KLHL3: variants seen among roughly 807,000 people sequenced by gnomAD.
KLHL3 encodes kelch like family member 3.
Under a neutral mutation model 70.5 loss-of-function variants are expected in KLHL3, and 19 were observed. That is an observed-to-expected ratio of 0.27 (90% CI 0.19 to 0.40). KLHL3 has a LOEUF of 0.40. Among genes scored for constraint, KLHL3 ranks in the 10% least tolerant of loss-of-function variants. The pLI is 1.00. For missense variants in KLHL3, 512 were observed against 771.1 expected (o/e 0.66, Z 3.98); for synonymous variants, 258 against 290.3 (o/e 0.89, Z 1.13).
intron 6 of KLHL3, among the ~76,000 whole-genome samples, chr5:137,673,173 C>T (rs916862): frequency 0.61 from 92,234 of 151,962 alleles, 28,500 homozygotes; most frequent in East Asian, 0.94. Context: ...GGGATTGAGG[C>T]CCTTTGTTTT....
intron 1 of KLHL3, among the ~76,000 whole-genome samples, chr5:137,722,054 G>A (rs544134529): frequency 6.6e-6 from 1 of 152,248 alleles, no homozygotes; most frequent in Admixed American, 6.5e-5. Context: ...ATAGATTTGA[G>A]GACCCATAGT....
In KLHL3 at chr5:137,638,942, C is replaced by A; in HGVS notation, c.1219+11G>T. The A allele has an allele frequency of 6.2e-7, 1 of 1,613,202 alleles. No homozygotes were observed. Among genetic ancestry groups the A allele is most frequent in the South Asian group, 1.1e-5 (1 of 90,926 alleles). ...AGGCTAGGAGGGGTTGGGAACACACCCTAAACCTACCAGTACTGCCATCAA... is the reference window on the plus strand; with the variant it reads ...AGGCTAGGAGGGGTTGGGAACACACACTAAACCTACCAGTACTGCCATCAA... On this transcript the variant is annotated intron_variant, in intron 10 of 14. Transcript: ENST00000309755.
Position 137,618,673 on chromosome 5 carries a change from T to C in KLHL3, c.*3425A>G, listed in dbSNP as rs1447922199. The C allele has an allele frequency of 6.7e-6, 1 of 149,934 alleles. No individual in the cohort carries two copies. The highest frequency in any genetic ancestry group is 1.5e-5 in the Non-Finnish European group (1 of 67,674). The allele number at this position is 149,934 out of a possible 1,614,324, so 9.3% of individuals were successfully genotyped here. ...GGGGCAGGCCTTTCCCTGAGGCTTC[T>C]CCATGCCACAGGGTACCAGGCTCAG... On this transcript the variant is annotated 3_prime_UTR_variant, in exon 15 of 15. Coordinates refer to ENST00000309755, the MANE Select transcript of KLHL3 (RefSeq NM_017415.3).
Position 137,619,524 on chromosome 5 carries a change from A to G in KLHL3, c.*2574T>C, listed in dbSNP as rs190213328. The G allele has an allele frequency of 6.5e-6, 1 of 152,804 alleles. No homozygotes were observed. Among genetic ancestry groups the G allele is most frequent in the Admixed American group, 6.5e-5 (1 of 15,306 alleles). The allele number at this position is 152,804 out of a possible 1,614,324, so 9.5% of individuals were successfully genotyped here. On this transcript the variant is annotated 3_prime_UTR_variant, in exon 15 of 15. Transcript: ENST00000309755. ...CCGTGGCCACCCTAAGTGGGGCAGT[A>G]AGAGGCTTCATCTACCACGTGACCA... is the stretch of plus-strand genomic sequence containing the variant.
At chr5:137,692,486 C>G (rs1232914735) in intron 4 of KLHL3, 39 bp from the exon 5 acceptor site, 1 of 1,600,220 alleles carries the variant, frequency 6.2e-7, no homozygotes, top group Non-Finnish European at 8.6e-7. Context: ...TTGGATCCCA[C>G]TGGCAGAGAC....
At chr5:137,696,066 C>T (rs1299958987) in intron 4 of KLHL3, among the ~76,000 whole-genome samples, 1 of 152,216 alleles carries the variant, frequency 6.6e-6, no homozygotes, top group Admixed American at 6.5e-5. Flanking sequence ...ATGTGCAGGC[C>T]CCGTTTTGTT....
intron 2 of KLHL3, among the ~76,000 whole-genome samples, chr5:137,715,940 T>C (rs1752883831): frequency 6.6e-6 from 1 of 152,194 alleles, no homozygotes; most frequent in Non-Finnish European, 1.5e-5. Flanking sequence ...ATCAGAGAGA[T>C]TAATTAACTT....
chr5:137,665,651 A>G (rs748810625), intron 6 of KLHL3, among the ~76,000 whole-genome samples: 56 of 152,318 alleles, frequency 3.7e-4, no homozygotes, highest in Non-Finnish European at 6.3e-4. Flanking sequence ...AAAAAACTAC[A>G]ACAAAATTTA....
intron 4 of KLHL3, 26 bp from the exon 5 acceptor site, chr5:137,692,473 A>G (rs779707409): frequency 6.2e-7 from 1 of 1,612,236 alleles, no homozygotes; most frequent in Non-Finnish European, 8.5e-7. Context: ...ACATTCTCAG[A>G]TATTGGATCC....
chr5:137,644,454 T>C (rs999083729), intron 8 of KLHL3, among the ~76,000 whole-genome samples: 1 of 152,242 alleles, frequency 6.6e-6, no homozygotes, highest in Non-Finnish European at 1.5e-5. Flanking sequence ...GTTTTTTGGC[T>C]ATTGTGAATA....
Position 137,707,366 on chromosome 5 carries a change from A to G in KLHL3, c.241+2384T>C, listed in dbSNP as rs149036668. Among the ~76,000 whole-genome samples the G allele has an allele frequency of 9.2e-3, 1,400 of 152,276 alleles. 24 individuals carry two copies. The highest frequency in any genetic ancestry group is 0.032 in the African/African-American group (1,317 of 41,548). ...AAGAATCACTTGAACCCAGGAGGCG[A>G]AGGTGGCAGTGAGTTGAGGCTGCAC... On this transcript the variant is annotated intron_variant, in intron 3 of 14. Transcript: ENST00000309755.
intron 6 of KLHL3, among the ~76,000 whole-genome samples, chr5:137,664,971 C>G (rs1476317380): frequency 6.6e-6 from 1 of 152,034 alleles, no homozygotes; most frequent in Non-Finnish European, 1.5e-5. Flanking sequence ...CCAAATTTAC[C>G]ACCACCCATA....
At chr5:137,704,798 G>A (rs1198537910) in intron 3 of KLHL3, among the ~76,000 whole-genome samples, 2 of 152,330 alleles carry the variant, frequency 1.3e-5, no homozygotes, top group South Asian at 4.1e-4. Context: ...TTATTAGACA[G>A]GACTACTGGC....
In KLHL3 at chr5:137,621,084, A is replaced by T. The variant is rs1263248805; in HGVS notation, c.*1014T>A. ...CTCCAGACCAGAACACTTCTGAGTA[A>T]AATGGGGTGCTGTGAATAATTAAAC... On this transcript the variant is annotated 3_prime_UTR_variant, in exon 15 of 15. Coordinates refer to ENST00000309755, the MANE Select transcript of KLHL3 (RefSeq NM_017415.3). 1.3e-5 allele frequency: 2 copies of T among 152,616 alleles called. No homozygotes were observed. The highest frequency in any genetic ancestry group is 1.5e-5 in the Non-Finnish European group (1 of 68,056). The allele number at this position is 152,616 out of a possible 1,614,324, so 9.5% of individuals were successfully genotyped here.
intron 5 of KLHL3, among the ~76,000 whole-genome samples, chr5:137,688,250 C>T (rs1752235317): frequency 6.6e-6 from 1 of 151,740 alleles, no homozygotes; most frequent in Non-Finnish European, 1.5e-5. Flanking sequence ...AGAAAGCCAC[C>T]CAGGAGAGGA....
chr5:137,630,959 C>T (rs1750620078), intron 12 of KLHL3, among the ~76,000 whole-genome samples: 1 of 150,120 alleles, frequency 6.7e-6, no homozygotes, highest in Non-Finnish European at 1.5e-5. Context: ...CCAGTGAGCA[C>T]ACAAAGGCTC....
chr5:137,637,212 G>T (rs1414760358), intron 11 of KLHL3, 82 bp downstream of exon 11: 20 of 1,101,506 alleles, frequency 1.8e-5, no homozygotes, highest in Non-Finnish European at 2.6e-5. Context: ...CACGGTAGAG[G>T]AAGCACCAAG....
rs1222815567 is a variant in KLHL3 at position 137,621,952 on chromosome 5, C to T, written c.*146G>A. 3 of 844,082 alleles carry T rather than the reference C, an allele frequency of 3.6e-6. No homozygotes were observed. Among genetic ancestry groups the T allele is most frequent in the Non-Finnish European group, 6.1e-6 (3 of 495,100 alleles). 52.3% of individuals were successfully genotyped at this position (844,082 alleles called of 1,614,324 possible). A position where few individuals can be genotyped will look rare whatever the true frequency, so the allele number is the denominator to read the frequency against. ...ATGGTGTCCACACTGCGATGAACAA[C>T]ACCAGTCTGCCAAGTCAGAGGAGAG... On this transcript the variant is annotated 3_prime_UTR_variant, in exon 15 of 15. Transcript: ENST00000309755.
Position 137,622,134 on chromosome 5 carries a change from G to T in KLHL3, c.1736-8C>A. ...TGTGAATCACGGCAACACCTAATAA[G>T]AAAGGGGGAGAAAGTTATCATCTTA... On this transcript the variant is annotated splice_region_variant and splice_polypyrimidine_tract_variant and intron_variant, in intron 14 of 14. Coordinates refer to ENST00000309755, the MANE Select transcript of KLHL3 (RefSeq NM_017415.3). The T allele has an allele frequency of 6.2e-7, 1 of 1,614,196 alleles. No homozygotes were observed. Among genetic ancestry groups the T allele is most frequent in the Non-Finnish European group, 8.5e-7 (1 of 1,179,998 alleles).
Sources: allele counts gnomAD v4.1 joint callset (sites outside exome capture counted in the v4.1 genomes callset), GRCh38; gene constraint gnomAD v4.1.1; transcripts MANE v1.5; gene names NCBI Gene and HGNC (gene_info 2026-07-23, HGNC 2026-07-21).